ANKFY1: variants seen among roughly 807,000 people sequenced by gnomAD.
ANKFY1 encodes ankyrin repeat and FYVE domain-containing protein 1.
A neutral mutation model predicts 128.3 loss-of-function variants in ANKFY1; 47 were observed. That is an observed-to-expected ratio of 0.37 (90% CI 0.29 to 0.47). ANKFY1 has a LOEUF of 0.47. Ranked by LOEUF, ANKFY1 falls within the 20% of genes least tolerant of loss-of-function variation. ANKFY1 has a pLI of 1.00. For synonymous variants in ANKFY1, 553 were observed against 601.6 expected, an observed-to-expected ratio of 0.92 and a Z score of 1.18; for missense variants, 1,222 against 1,510.6, an observed-to-expected ratio of 0.81 and a Z score of 3.17.
chr17:4,202,179 T>G (rs4790183), intron 7 of ANKFY1, among the ~76,000 whole-genome samples: 151,513 of 151,586 alleles, frequency 1, 75,720 homozygotes, highest in Middle Eastern at 1. Context: ...GAGGCGGGCA[T>G]TTCACTTGAG....
intron 3 of ANKFY1, among the ~76,000 whole-genome samples, chr17:4,235,322 CAG>C (rs1966871549): frequency 8.7e-6 from 1 of 115,406 alleles, no homozygotes; most frequent in African/African-American, 3.3e-5. Context: ...GCCTGGGTAA[CAG>C]AGTGAGACTC....
chr17:4,211,028 T>TCAA (rs1238870291), intron 4 of ANKFY1, among the ~76,000 whole-genome samples: 124 of 150,108 alleles, frequency 8.3e-4, no homozygotes, highest in African/African-American at 1.5e-3. Flanking sequence ...TGAGACTCCA[T>TCAA]CAACAACAAC....
intron 14 of ANKFY1, among the ~76,000 whole-genome samples, chr17:4,182,834 A>G (rs1293983513): frequency 6.6e-6 from 1 of 152,208 alleles, no homozygotes; most frequent in African/African-American, 2.4e-5. Context: ...GGTGGGCCGC[A>G]GTGGCTCATG....
intron 3 of ANKFY1, among the ~76,000 whole-genome samples, chr17:4,235,340 CA>C (rs10677242): frequency 1.7e-5 from 2 of 116,730 alleles, no homozygotes. Context: ...GACTCTGTCT[CA>C]AAAAAAAAAA....
At chr17:4,218,307 G>A (rs895090073) in intron 3 of ANKFY1, among the ~76,000 whole-genome samples, 1 of 152,154 alleles carries the variant, frequency 6.6e-6, no homozygotes, top group Non-Finnish European at 1.5e-5. Flanking sequence ...AACAAAAATC[G>A]TAAGAGTCCA....
At chr17:4,244,987 C>T (rs569754194) in intron 1 of ANKFY1, among the ~76,000 whole-genome samples, 1 of 152,116 alleles carries the variant, frequency 6.6e-6, no homozygotes, top group Non-Finnish European at 1.5e-5. Flanking sequence ...TCTGTCCCCA[C>T]CATCCCCTTG....
intron 18 of ANKFY1, among the ~76,000 whole-genome samples, chr17:4,177,556 C>G (rs1157640940): frequency 6.6e-6 from 1 of 152,146 alleles, no homozygotes; most frequent in Non-Finnish European, 1.5e-5. Context: ...ACTGTGGCAG[C>G]CTCCTGTAGT....
intron 2 of ANKFY1, 127 bp from the exon 3 acceptor site, chr17:4,236,017 A>C: frequency 1.5e-6 from 1 of 666,878 alleles, no homozygotes; most frequent in Non-Finnish European, 2.6e-6. Flanking sequence ...ATTACAGCGA[A>C]GAATTATTCC....
At chr17:4,233,796 C>A (rs557949698) in intron 3 of ANKFY1, among the ~76,000 whole-genome samples, 23 of 152,332 alleles carry the variant, frequency 1.5e-4, no homozygotes, top group Non-Finnish European at 2.6e-4. Flanking sequence ...AGAGTACGGG[C>A]TCCGTATGGC....
chr17:4,192,572 CTAATCTGGAGACTCCTAGTTGATGGT>C lies in ANKFY1; in HGVS notation c.1372+2380_1372+2405del, dbSNP rs1330719470. 3.2e-3 allele frequency among the ~76,000 whole-genome samples: 480 copies of C among 151,490 alleles called. 2 individuals are homozygous for C. Among genetic ancestry groups the C allele is most frequent in the South Asian group, 0.019 (91 of 4,738 alleles). ...TGGAGACTCCTAGTTGATGGTTACT[CTAATCTGGAGACTCCTAGTTGATGGT>C]TAATCTGGAGACTCCTAGTTGATGG... On this transcript the variant is annotated intron_variant, in intron 10 of 24. Coordinates refer to ENST00000341657, the MANE Select transcript of ANKFY1 (RefSeq NM_001330063.2).
chr17:4,242,230 C>G (rs746758211), intron 2 of ANKFY1, 26 bp downstream of exon 2: 11 of 1,481,654 alleles, frequency 7.4e-6, no homozygotes, highest in South Asian at 4.1e-5. Context: ...AGCCAAAGGG[C>G]CTTCTGTGTC....
At chr17:4,170,345 A>G (rs573299329) in intron 23 of ANKFY1, among the ~76,000 whole-genome samples, 1 of 152,254 alleles carries the variant, frequency 6.6e-6, no homozygotes, top group South Asian at 2.1e-4. Flanking sequence ...GAGAGCTGAT[A>G]GGGGCTGGAG....
chr17:4,189,189 T>C (rs1464597281), intron 11 of ANKFY1, among the ~76,000 whole-genome samples, 193 bp downstream of exon 11: 2 of 152,252 alleles, frequency 1.3e-5, no homozygotes, highest in Non-Finnish European at 2.9e-5. Flanking sequence ...AAATGGCTGC[T>C]GAATGAATCA....
intron 1 of ANKFY1, among the ~76,000 whole-genome samples, chr17:4,248,470 C>A (rs577151246): frequency 3.3e-5 from 5 of 152,328 alleles, no homozygotes; most frequent in African/African-American, 9.6e-5. Flanking sequence ...GTCTCTGGTG[C>A]CAAAAAGATT....
intron 22 of ANKFY1, 117 bp downstream of exon 22, chr17:4,172,439 A>C (rs974518028): frequency 9.1e-6 from 13 of 1,428,338 alleles, no homozygotes; most frequent in Admixed American, 2.1e-5. Flanking sequence ...CGGAGGGCCC[A>C]ACAGAACTGT....
chr17:4,260,690 G>A (rs1968370681), intron 1 of ANKFY1, among the ~76,000 whole-genome samples: 1 of 150,520 alleles, frequency 6.6e-6, no homozygotes, highest in African/African-American at 2.4e-5. Flanking sequence ...GAGATGTAGA[G>A]TTGGGGAATA....
intron 10 of ANKFY1, among the ~76,000 whole-genome samples, chr17:4,194,029 A>C (rs1016602494): frequency 2.0e-5 from 3 of 148,682 alleles, no homozygotes; most frequent in African/African-American, 4.9e-5. Context: ...AAGTGCTAGG[A>C]TTACAGGTGT....
At chr17:4,243,082 G>GTTTGTTTT (rs1967339718) in intron 1 of ANKFY1, among the ~76,000 whole-genome samples, 2 of 151,746 alleles carry the variant, frequency 1.3e-5, no homozygotes, top group Admixed American at 1.3e-4. Flanking sequence ...TTGTTTGTTT[G>GTTTGTTTT]TTTGAGACAG....
chr17:4,223,435 T>C (rs2060362433), intron 3 of ANKFY1: 2 of 1,313,544 alleles, frequency 1.5e-6, no homozygotes, highest in South Asian at 1.2e-5. Flanking sequence ...CTAGGAACTG[T>C]ATCACTGATG....
Sources: allele counts gnomAD v4.1 joint callset (sites outside exome capture counted in the v4.1 genomes callset), GRCh38; gene constraint gnomAD v4.1.1; transcripts MANE v1.5; gene names NCBI Gene and HGNC (gene_info 2026-07-23, HGNC 2026-07-21).